The following ZNF521 variants were observed in gnomAD, a reference collection of about 807,000 sequenced individuals.
ZNF521 encodes zinc finger protein 521.
Under a neutral mutation model 105.5 loss-of-function variants are expected in ZNF521, and 14 were observed. That is an observed-to-expected ratio of 0.13 (90% confidence interval 0.09 to 0.21). The LOEUF is 0.21. ZNF521 is among the 10% of genes least tolerant of loss of function. ZNF521 has a pLI of 1.00. For synonymous variants in ZNF521, 635 were observed against 606.0 expected (o/e 1.05, Z -0.70); for missense variants, 1,233 against 1,629.7 (o/e 0.76, Z 4.19).
In ZNF521 at chr18:25,224,754, G is replaced by A. The variant is rs1433706054; in HGVS notation, c.3164C>T (p.Thr1055Ile). Reference sequence around the variant, plus strand: ...TTTTTGGACGTGCTGGCCCCGCCCTGTGGTCTGAACTGCAGACCCATTCCC... The same window carrying A: ...TTTTTGGACGTGCTGGCCCCGCCCTATGGTCTGAACTGCAGACCCATTCCC... The part of the protein sequence containing the change: ...KTGNGSAVQT[T>I]GRGQHVQKLY... Residue 1055 changes from threonine (T) to isoleucine (I), a missense_variant, in exon 4 of 8, where the codon ACA (threonine) becomes ATA (isoleucine). Thr to Ile is a moderately conservative substitution (Grantham distance 89, BLOSUM62 -1). This residue lies in a region of ZNF521 where 614 missense variants were observed against 751.5 expected (regional missense o/e 0.82). Coordinates refer to ENST00000361524, the MANE Select transcript of ZNF521 (RefSeq NM_015461.3). 6.2e-7 allele frequency: 1 copy of A among 1,613,996 alleles called. No homozygotes were observed. Among genetic ancestry groups the A allele is most frequent in the Non-Finnish European group, 8.5e-7 (1 of 1,180,020 alleles).
At chr18:25,312,190 GTTAA>G (rs1393210513) in intron 3 of ZNF521, among the ~76,000 whole-genome samples, 5 of 152,050 alleles carry the variant, frequency 3.3e-5, no homozygotes, top group African/African-American at 7.2e-5. Context: ...ATTTTAATAA[GTTAA>G]TTAATGTAAT....
At chr18:25,208,423 A>G (rs2036120541) in intron 4 of ZNF521, among the ~76,000 whole-genome samples, 1 of 152,212 alleles carries the variant, frequency 6.6e-6, no homozygotes, top group African/African-American at 2.4e-5. Context: ...TATGGTGCTA[A>G]AAGAATCTGT....
intron 4 of ZNF521, among the ~76,000 whole-genome samples, chr18:25,212,648 A>G (rs1039387535): frequency 1.3e-5 from 2 of 148,266 alleles, no homozygotes; most frequent in Non-Finnish European, 3.0e-5. Flanking sequence ...GAGATAACTG[A>G]CAGACTTACA....
At chr18:25,199,988 G>T (rs1362883863) in intron 4 of ZNF521, among the ~76,000 whole-genome samples, 2 of 151,726 alleles carry the variant, frequency 1.3e-5, no homozygotes, top group African/African-American at 4.8e-5. Context: ...AAAATCCCTT[G>T]AAACAGTCCT....
chr18:25,092,811 T>C (rs1401083494), intron 5 of ZNF521, among the ~76,000 whole-genome samples: 3 of 152,212 alleles, frequency 2.0e-5, no homozygotes, highest in Non-Finnish European at 2.9e-5. Context: ...AATATTTTGA[T>C]GTCATAACAT....
chr18:25,215,526 G>T (rs1302870710), intron 4 of ZNF521, among the ~76,000 whole-genome samples: 2 of 152,140 alleles, frequency 1.3e-5, no homozygotes, highest in Non-Finnish European at 2.9e-5. Context: ...GTTTCTCCTA[G>T]ACAGAGTTCT....
chr18:25,072,052 C>T (rs539399759), intron 7 of ZNF521, among the ~76,000 whole-genome samples: 1 of 152,312 alleles, frequency 6.6e-6, no homozygotes, highest in East Asian at 1.9e-4. Flanking sequence ...GCAGATATGT[C>T]CGGCTGTGCC....
chr18:25,174,693 G>C lies in ZNF521; in HGVS notation c.3658+20467C>G, dbSNP rs145090470. Among the ~76,000 whole-genome samples the C allele has an allele frequency of 1.7e-3, 252 of 152,280 alleles. 3 individuals are homozygous for C. Among genetic ancestry groups the C allele is most frequent in the Non-Finnish European group, 2.5e-4 (17 of 68,024 alleles). On this transcript the variant is annotated intron_variant, in intron 5 of 7. Transcript: ENST00000361524. ...AATCCTGGCAACACAACAAGAAAAA[G>C]AATCACTTTCGTTCCAACTCTAAAA...
intron 5 of ZNF521, among the ~76,000 whole-genome samples, chr18:25,178,008 T>C (rs1487703582): frequency 2.0e-5 from 3 of 152,200 alleles, no homozygotes; most frequent in East Asian, 3.8e-4. Context: ...GTGTTCTTCT[T>C]CATTACTCCT....
chr18:25,319,856 C>A (rs1361236167), intron 3 of ZNF521, among the ~76,000 whole-genome samples: 4 of 152,122 alleles, frequency 2.6e-5, no homozygotes, highest in Non-Finnish European at 5.9e-5. Flanking sequence ...GTGATTCAGG[C>A]TTCTTTGGAG....
chr18:25,335,747 G>A (rs142986456), intron 2 of ZNF521, among the ~76,000 whole-genome samples: 1 of 152,170 alleles, frequency 6.6e-6, no homozygotes, highest in Non-Finnish European at 1.5e-5. Flanking sequence ...AGACTTTGTC[G>A]GTATAGAAAG....
chr18:25,343,823 T>C (rs61517163), intron 2 of ZNF521, among the ~76,000 whole-genome samples: 4,704 of 152,266 alleles, frequency 0.031, 234 homozygotes, highest in African/African-American at 0.11. Flanking sequence ...TTAAACTTAA[T>C]CTTTTTTTAA....
intron 5 of ZNF521, among the ~76,000 whole-genome samples, chr18:25,093,499 T>G (rs953962157): frequency 1.3e-5 from 2 of 152,228 alleles, no homozygotes; most frequent in African/African-American, 4.8e-5. Flanking sequence ...TGCCAGCTGA[T>G]ATTACTGGTA....
chr18:25,244,216 G>A (rs1277787483), intron 3 of ZNF521, among the ~76,000 whole-genome samples: 1 of 152,074 alleles, frequency 6.6e-6, no homozygotes, highest in Non-Finnish European at 1.5e-5. Flanking sequence ...TACTCTGCCA[G>A]TGCAGAAGTT....
At chr18:25,278,768 C>T (rs1430134528) in intron 3 of ZNF521, among the ~76,000 whole-genome samples, 1 of 152,136 alleles carries the variant, frequency 6.6e-6, no homozygotes, top group East Asian at 1.9e-4. Flanking sequence ...TCTTTCTCCA[C>T]TTTTAACAAA....
At chr18:25,331,293 G>A (rs992314818) in intron 2 of ZNF521, among the ~76,000 whole-genome samples, 1 of 149,814 alleles carries the variant, frequency 6.7e-6, no homozygotes, top group African/African-American at 2.5e-5. Flanking sequence ...CTAATTTCTC[G>A]ATAGTAAAGC....
At chr18:25,350,850 T>C in intron 2 of ZNF521, 57 bp downstream of exon 2, 3 of 1,529,434 alleles carry the variant, frequency 2.0e-6, no homozygotes, top group Non-Finnish European at 8.8e-7. Context: ...CTCGCTCCGC[T>C]ACCCACAGTG....
At position 25,110,161 on chromosome 18, in the gene ZNF521, T is replaced by C. The variant is rs113620856; in HGVS notation, c.3659-18080A>G. On this transcript the variant is annotated intron_variant, in intron 5 of 7. Transcript: ENST00000361524. Reference sequence around the variant, plus strand: ...AGGAGACAGCAGAGTTTTATCAAAGTGGGTTTCCCATCTACAGTCAGTTCT... The same window carrying C: ...AGGAGACAGCAGAGTTTTATCAAAGCGGGTTTCCCATCTACAGTCAGTTCT... Among the ~76,000 whole-genome samples the C allele has an allele frequency of 6.3e-3, 953 of 152,286 alleles. 10 individuals carry two copies. Among genetic ancestry groups the C allele is most frequent in the African/African-American group, 0.022 (902 of 41,558 alleles).
At chr18:25,331,462 G>A (rs181817103) in intron 2 of ZNF521, among the ~76,000 whole-genome samples, 1 of 152,274 alleles carries the variant, frequency 6.6e-6, no homozygotes, top group African/African-American at 2.4e-5. Flanking sequence ...TTTGAACCTA[G>A]GATTTAGACA....
Sources: gnomAD v4.1 joint callset for allele counts (sites outside exome capture counted in the v4.1 genomes callset) on GRCh38, gnomAD v4.1.1 for gene constraint, gnomAD v4.1.1 regional missense constraint, MANE v1.5 for transcripts, NCBI Gene and HGNC (gene_info 2026-07-23, HGNC 2026-07-21) for gene names.